ZSCAN23: variants seen among roughly 807,000 people sequenced by gnomAD.
ZSCAN23 encodes the protein zinc finger and SCAN domain-containing protein 23.
In ZSCAN23, 19 loss-of-function variants were observed where a neutral mutation model predicts 19.3. That is an observed-to-expected ratio of 0.99 (90% CI 0.69 to 1.45). The LOEUF is 1.45. Among genes scored for constraint, ZSCAN23 ranks in the 40% most tolerant of loss-of-function variants. The pLI, the probability that ZSCAN23 is intolerant of heterozygous loss-of-function variation, is 0.00. For missense variants in ZSCAN23, 372 were observed against 462.5 expected (o/e 0.80, Z 1.79); for synonymous variants, 140 against 166.2 (o/e 0.84, Z 1.21).
chr6:28,438,406 T>G (rs1363171661), intron 1 of ZSCAN23, among the ~76,000 whole-genome samples: 2 of 152,228 alleles, frequency 1.3e-5, no homozygotes, highest in Admixed American at 1.3e-4. Context: ...AACCCTACAC[T>G]ATTCTTAAGG....
rs1472334763 is a variant in ZSCAN23 at position 28,433,480 on chromosome 6, C to G, written c.*985G>C. On this transcript the variant is annotated 3_prime_UTR_variant, in exon 4 of 4. Coordinates refer to ENST00000289788, the MANE Select transcript of ZSCAN23 (RefSeq NM_001012455.2). ...GTATTCCAAACCAGATTGTTTTCACCATAGGTTTTCCATTTCTTTGTCTCC... is the reference window on the plus strand; with the variant it reads ...GTATTCCAAACCAGATTGTTTTCACGATAGGTTTTCCATTTCTTTGTCTCC... 1 of 151,958 alleles carries G rather than the reference C, an allele frequency of 6.6e-6. No homozygotes were observed. The highest frequency in any genetic ancestry group is 6.6e-5 in the Admixed American group (1 of 15,252). The allele number at this position is 151,958 out of a possible 1,614,324, so 9.4% of individuals were successfully genotyped here.
chr6:28,422,068 T>TTA, the ZSCAN23 span, among the ~76,000 whole-genome samples: 3 of 151,954 alleles, frequency 2.0e-5, no homozygotes, highest in South Asian at 2.1e-4. This position sits in a 1 kb window ranked among gnomAD's most constrained non-coding sequence, Gnocchi z 4.0. Context: ...TGCTTTAAAA[T>TTA]TATATATATA....
downstream of ZSCAN23, among the ~76,000 whole-genome samples, chr6:28,431,284 G>A (rs552441364): frequency 6.6e-6 from 1 of 152,010 alleles, no homozygotes; most frequent in African/African-American, 2.4e-5. Flanking sequence ...CTGATTCTCT[G>A]TCTTTTCTAT....
chr6:28,431,106 G>T (rs1440117848), downstream of ZSCAN23, among the ~76,000 whole-genome samples: 1 of 151,976 alleles, frequency 6.6e-6, no homozygotes, highest in African/African-American at 2.4e-5. Flanking sequence ...GGGCGGGATG[G>T]GGGGGCCCTC....
chr6:28,432,234 A>G (rs1761774306), downstream of ZSCAN23, among the ~76,000 whole-genome samples: 1 of 152,178 alleles, frequency 6.6e-6, no homozygotes, highest in Non-Finnish European at 1.5e-5. Flanking sequence ...ACTATAGAAT[A>G]TGTATTACAT....
In ZSCAN23 at chr6:28,435,564, T is replaced by G. The variant is rs1375759770; in HGVS notation, c.452A>C (p.Lys151Thr). 6.4e-7 allele frequency: 1 copy of G among 1,551,592 alleles called. No homozygotes were observed. The highest frequency in any genetic ancestry group is 8.7e-7 in the Non-Finnish European group (1 of 1,146,994). ...AHEQEEFVKE[K>T]ATPGAAQESS... ...CTCCTGAGCTGCTCCTGGAGTTGCC[T>G]TCTCCTTTACAAACTCTTCCTGTTC... The change falls in exon 3 of 4, where the codon AAG (lysine) becomes ACG (threonine). Residue 151 changes from lysine to threonine, a missense_variant. Transcript: ENST00000289788.
At chr6:28,441,762 A>G (rs752558552) in intron 1 of ZSCAN23, among the ~76,000 whole-genome samples, 1 of 151,954 alleles carries the variant, frequency 6.6e-6, no homozygotes, top group Non-Finnish European at 1.5e-5. Flanking sequence ...GTATATACAC[A>G]TGTATACACA....
At chr6:28,430,921 C>CT (rs746719898), downstream of ZSCAN23, among the ~76,000 whole-genome samples, 6 of 152,194 alleles carry the variant, frequency 3.9e-5, no homozygotes, top group Non-Finnish European at 8.8e-5. Context: ...ATCCAGTACT[C>CT]TATCTTCTCA....
intron 1 of ZSCAN23, among the ~76,000 whole-genome samples, chr6:28,438,979 T>G (rs1027115017): frequency 1.3e-5 from 2 of 152,210 alleles, no homozygotes; most frequent in Non-Finnish European, 2.9e-5. Context: ...CCTGCACACA[T>G]AATCCTCTCC....
intron 1 of ZSCAN23, among the ~76,000 whole-genome samples, chr6:28,439,952 T>C (rs1439304199): frequency 6.6e-6 from 1 of 152,068 alleles, no homozygotes; most frequent in African/African-American, 2.4e-5. Flanking sequence ...TAATTAAGTA[T>C]TTGTGAAGTA....
chr6:28,443,049 T>C (rs1762034817), intron 1 of ZSCAN23, among the ~76,000 whole-genome samples: 1 of 152,150 alleles, frequency 6.6e-6, no homozygotes, highest in East Asian at 1.9e-4. Flanking sequence ...TTAAAATAAG[T>C]CCACAGTAGA....
Position 28,435,521 on chromosome 6 carries a change from G to C in ZSCAN23, c.495C>G (p.Phe165Leu), listed in dbSNP as rs1256102428. The change falls in exon 3 of 4, where the codon TTC becomes TTG. Residue 165 changes from phenylalanine to leucine, a missense_variant. Coordinates refer to ENST00000289788, the MANE Select transcript of ZSCAN23 (RefSeq NM_001012455.2). ...ACCCAAGTTGCTCTTCCAAGGTTTG[G>C]AATTGGTCATTTGATGACTCCTGAG... ...GAAQESSNDQ[F>L]QTLEEQLGYN... 6.4e-7 allele frequency: 1 copy of C among 1,551,838 alleles called. No homozygotes were observed. The highest frequency in any genetic ancestry group is 2.0e-5 in the Admixed American group (1 of 51,004).
At chr6:28,422,398 A>T in the ZSCAN23 span, among the ~76,000 whole-genome samples, 4 of 152,202 alleles carry the variant, frequency 2.6e-5, no homozygotes, top group Non-Finnish European at 5.9e-5. The surrounding 1 kb of genome is among the most constrained non-coding windows in gnomAD (Gnocchi z 4.0). Context: ...ACTTGAAAAG[A>T]TATCCATAAT....
At chr6:28,425,627 T>C in the ZSCAN23 span, among the ~76,000 whole-genome samples, 1 of 152,130 alleles carries the variant, frequency 6.6e-6, no homozygotes, top group Non-Finnish European at 1.5e-5. Context: ...AGCATGATCC[T>C]TAAGGACTCT....
At chr6:28,431,055 T>C (rs1210705469), downstream of ZSCAN23, among the ~76,000 whole-genome samples, 2 of 151,768 alleles carry the variant, frequency 1.3e-5, no homozygotes, top group East Asian at 3.9e-4. Flanking sequence ...AGGTTAATCT[T>C]AGGTAACTAG....
In ZSCAN23 at chr6:28,435,088, C is replaced by T. The variant is rs773373684; in HGVS notation, c.557-10G>A. On this transcript the variant is annotated splice_polypyrimidine_tract_variant and intron_variant, in intron 3 of 3. Coordinates refer to ENST00000289788, the MANE Select transcript of ZSCAN23 (RefSeq NM_001012455.2). ...GTCCCAGCCTTGCCATCTAAAATAA[C>T]GATAACATGAAAGATAACATGAAGT... 1.3e-5 allele frequency: 20 copies of T among 1,512,412 alleles called. No homozygotes were observed. The highest frequency in any genetic ancestry group is 1.7e-4 in the Middle Eastern group (1 of 5,782). 93.7% of individuals were successfully genotyped at this position (1,512,412 alleles called of 1,614,324 possible).
rs11752919 is a variant in ZSCAN23 at position 28,435,826 on chromosome 6, T to C, written c.408+33A>G. 592,238 of 1,522,896 alleles carry C rather than the reference T, an allele frequency of 0.39. 117,749 individuals carry two copies. Among genetic ancestry groups the C allele is most frequent in the African/African-American group, 0.5 (36,122 of 71,744 alleles). The allele number at this position is 1,522,896 out of a possible 1,614,324, so 94.3% of individuals were successfully genotyped here. ...CACTGAAACCCCATACTTGTTCTTA[T>C]AGGTACAAATCCCTGTTCTCCCATC... On this transcript the variant is annotated intron_variant, in intron 2 of 3. Transcript: ENST00000289788.
In ZSCAN23 at chr6:28,434,739, T is replaced by G. The variant is rs980684195; in HGVS notation, c.896A>C (p.His299Pro). ...RSGLFQHQRLHTGEKRYQCSV... is the reference protein window; with the variant it reads ...RSGLFQHQRLPTGEKRYQCSV... ...GCACTGGTAGCGCTTCTCCCCAGTG[T>G]GGAGTCTCTGGTGCTGGAATAGGCC... The change falls in exon 4 of 4, where the codon CAC becomes CCC. Residue 299 changes from histidine to proline, a missense_variant. Physicochemically the swap from His to Pro is moderately conservative, Grantham distance 77. Transcript: ENST00000289788. 4 of 1,602,014 alleles carry G rather than the reference T, an allele frequency of 2.5e-6. No homozygotes were observed. The African/African-American group carries it at 5.4e-5, about 21-fold the overall frequency.
chr6:28,442,498 C>T (rs1762020888), intron 1 of ZSCAN23, among the ~76,000 whole-genome samples: 1 of 152,222 alleles, frequency 6.6e-6, no homozygotes, highest in Non-Finnish European at 1.5e-5. Context: ...AATAAAACGG[C>T]TGTTTCATCA....
Sources: gnomAD v4.1 joint callset for allele counts (sites outside exome capture counted in the v4.1 genomes callset) on GRCh38, gnomAD v4.1.1 for gene constraint, Gnocchi (gnomAD v3.1) non-coding constraint, MANE v1.5 for transcripts, NCBI Gene and HGNC (gene_info 2026-07-23, HGNC 2026-07-21) for gene names.